Variants in RTTN observed in about 807,000 individuals in gnomAD.
RTTN encodes the protein rotatin.
In RTTN, 182 loss-of-function variants were observed where a neutral mutation model predicts 269.2. The observed-to-expected ratio is 0.68, with a 90% confidence interval of 0.60 to 0.76. The LOEUF (loss-of-function observed/expected upper bound fraction) is 0.76, where lower values mean the gene tolerates loss of function less well. RTTN is among the 30% of genes least tolerant of loss of function. RTTN has a pLI of 0.00. For synonymous variants in RTTN, 1,006 were observed against 963.5 expected (o/e 1.04, Z -0.82); for missense variants, 2,545 against 2,608.6 (o/e 0.98, Z 0.53).
intron 26 of RTTN, among the ~76,000 whole-genome samples, 191 bp from the exon 27 acceptor site, chr18:70,114,790 A>G (rs1018590400): frequency 1.3e-5 from 2 of 152,114 alleles, no homozygotes; most frequent in African/African-American, 4.8e-5. Flanking sequence ...AAAGAAAAAC[A>G]TATTTATCAT....
Position 70,054,296 on chromosome 18 carries a change from G to T in RTTN, c.5032-12C>A. 6.2e-7 allele frequency: 1 copy of T among 1,600,988 alleles called. No individual in the cohort carries two copies. Among genetic ancestry groups the T allele is most frequent in the South Asian group, 1.1e-5 (1 of 88,604 alleles). The stretch of plus-strand genomic sequence containing the variant: ...AGGAGAAAGGAAACCTGTTTGAAAA[G>T]GAGACAGGGTCAAATCAAACATGCC... On this transcript the variant is annotated splice_polypyrimidine_tract_variant and intron_variant, in intron 37 of 48. Transcript: ENST00000640769.
At chr18:70,053,160 T>C (rs763877377) in intron 38 of RTTN, 2 of 152,212 alleles carry the variant, frequency 1.3e-5, no homozygotes, top group Non-Finnish European at 2.9e-5. Flanking sequence ...GTATCTTCCA[T>C]GAACTCAACG....
At chr18:70,116,848 T>C (rs1042235864) in intron 26 of RTTN, among the ~76,000 whole-genome samples, 2 of 152,022 alleles carry the variant, frequency 1.3e-5, no homozygotes, top group African/African-American at 2.4e-5. Context: ...ATATATATGC[T>C]GTGTAGTTCT....
intron 11 of RTTN, among the ~76,000 whole-genome samples, chr18:70,172,061 C>T (rs554828911): frequency 6.6e-6 from 1 of 152,308 alleles, no homozygotes; most frequent in Admixed American, 6.5e-5. Context: ...TGTGCTTCTG[C>T]TTCCAGAACA....
chr18:70,203,778 C>A (rs2062011638), intron 3 of RTTN, among the ~76,000 whole-genome samples: 1 of 152,082 alleles, frequency 6.6e-6, no homozygotes, highest in African/African-American at 2.4e-5. Context: ...GCACTAAGAA[C>A]AATGAGCACT....
In RTTN at chr18:70,020,761, T is replaced by C. The variant is rs763662183; in HGVS notation, c.6007A>G (p.Arg2003Gly). The change falls in exon 45 of 49, where the codon AGA (arginine) becomes GGA (glycine). Residue 2003 changes from arginine to glycine, a missense_variant. Coordinates refer to ENST00000640769, the MANE Select transcript of RTTN (RefSeq NM_173630.4). ...ATCAGAGAGTTGCTCACGGCTCCTCTATGTGTAGCTTGAACAGGGTGTTGT... is the reference window on the plus strand; with the variant it reads ...ATCAGAGAGTTGCTCACGGCTCCTCCATGTGTAGCTTGAACAGGGTGTTGT... Reference protein sequence around the residue: ...CGQHPVQATHRGAVSNSLMLC... With the variant: ...CGQHPVQATHGGAVSNSLMLC... 1 of 1,614,066 alleles carries C rather than the reference T, an allele frequency of 6.2e-7. No homozygotes were observed. Among genetic ancestry groups the C allele is most frequent in the East Asian group, 2.2e-5 (1 of 44,886 alleles).
At chr18:70,202,297 C>T (rs73966849) in intron 3 of RTTN, among the ~76,000 whole-genome samples, 3,457 of 152,234 alleles carry the variant, frequency 0.023, 130 homozygotes, top group African/African-American at 0.078. Flanking sequence ...AATCCATCTC[C>T]CTCTCCCTTG....
chr18:70,131,652 G>A (rs1822185740), intron 23 of RTTN: 1 of 151,322 alleles, frequency 6.6e-6, no homozygotes, highest in Non-Finnish European at 1.5e-5. Context: ...GACTAGCCTG[G>A]GCAACAAAGC....
Position 70,196,602 on chromosome 18 carries a change from C to T in RTTN, c.740G>A (p.Arg247His), listed in dbSNP as rs539725498. 5.4e-6 allele frequency: 8 copies of T among 1,478,764 alleles called. No homozygotes were observed. In the South Asian group the frequency reaches 5.8e-5, roughly 11 times the overall value. The allele number at this position is 1,478,764 out of a possible 1,614,324, so 91.6% of individuals were successfully genotyped here. A position where few individuals can be genotyped will look rare whatever the true frequency, so the allele number is the denominator to read the frequency against. ...LKLAFGDGKH[R>H]LALQSVSCLQ... ...GCAGGACACCGACTGTAATGCCAGG[C>T]GATGCTTTCCATCTCCAAAGGCCAG... Residue 247 changes from arginine (R) to histidine (H), a missense_variant, in exon 7 of 49, where the codon CGC (arginine) becomes CAC (histidine). By Grantham distance (29) the Arg-to-His change is conservative. Coordinates refer to ENST00000640769, the MANE Select transcript of RTTN (RefSeq NM_173630.4).
chr18:70,112,751 A>G (rs1256131012), intron 27 of RTTN, among the ~76,000 whole-genome samples: 3 of 152,198 alleles, frequency 2.0e-5, no homozygotes, highest in Admixed American at 6.5e-5. Flanking sequence ...AATATTAGAC[A>G]GATCAACAAG....
Position 70,017,432 on chromosome 18 carries a change from T to C in RTTN, c.6396A>G (p.Ala2132=). Residue 2132 remains alanine (A), a synonymous_variant, in exon 46 of 49, where the codon GCA becomes GCG. Transcript: ENST00000640769. ...CATTAGCCAGGATCTTGGGTTTATT[T>C]GCAGGACTGAAGCAAACATTATGAA... is the stretch of plus-strand genomic sequence containing the variant. ...LIFHNVCFSP[A]NKPKILANEK... 1.2e-6 allele frequency: 2 copies of C among 1,613,984 alleles called. No individual in the cohort carries two copies. The highest frequency in any genetic ancestry group is 1.7e-6 in the Non-Finnish European group (2 of 1,179,928).
intron 34 of RTTN, among the ~76,000 whole-genome samples, chr18:70,070,137 G>C (rs138738640): frequency 3.9e-5 from 6 of 152,350 alleles, no homozygotes; most frequent in African/African-American, 1.4e-4. Flanking sequence ...GACGATTCTT[G>C]CATGTCTAAC....
chr18:70,060,455 T>G (rs974046888), intron 35 of RTTN, among the ~76,000 whole-genome samples: 3 of 152,178 alleles, frequency 2.0e-5, no homozygotes, highest in African/African-American at 7.2e-5. Flanking sequence ...TTACTATTTT[T>G]ATTATTTTTA....
At position 70,150,766 on chromosome 18, in the gene RTTN, T is replaced by A. The variant is rs757341953; in HGVS notation, c.1930-33A>T. The A allele has an allele frequency of 4.0e-6, 6 of 1,487,154 alleles. No individual in the cohort carries two copies. In the South Asian group the frequency reaches 7.5e-5, roughly 19 times the overall value. The allele number at this position is 1,487,154 out of a possible 1,614,324, so 92.1% of individuals were successfully genotyped here. On this transcript the variant is annotated intron_variant, in intron 14 of 48. Transcript: ENST00000640769. ...ATAATATTAAAAAGTATTTTTAAAT[T>A]AGCAACACTGATTTTTCCAAAAGAT...
At chr18:70,101,980 GA>G (rs1385431611) in intron 28 of RTTN, among the ~76,000 whole-genome samples, 9 of 152,310 alleles carry the variant, frequency 5.9e-5, no homozygotes, top group Admixed American at 2.0e-4. Context: ...ATTTGCTGAG[GA>G]GTGCTTTAAT....
chr18:70,186,486 G>A (rs531597677), intron 10 of RTTN, among the ~76,000 whole-genome samples: 1 of 152,292 alleles, frequency 6.6e-6, no homozygotes, highest in South Asian at 2.1e-4. Context: ...GGGCGCGGTG[G>A]CTCGCACCTG....
intron 14 of RTTN, among the ~76,000 whole-genome samples, chr18:70,155,272 C>T (rs2060644025): frequency 6.6e-6 from 1 of 152,082 alleles, no homozygotes; most frequent in Non-Finnish European, 1.5e-5. Context: ...AATATACAAC[C>T]ACCATCTAGA....
chr18:70,157,409 C>T lies in RTTN; in HGVS notation c.1930-6676G>A, dbSNP rs117776046. Among the ~76,000 whole-genome samples the T allele has an allele frequency of 6.0e-3, 910 of 152,284 alleles. 3 individuals carry two copies. The highest frequency in any genetic ancestry group is 0.01 in the Middle Eastern group (3 of 294). ...AACCAAGCCAATTGACTAATCCCAA[C>T]TTATACCACAGTAAAATCCTCAATG... On this transcript the variant is annotated intron_variant, in intron 14 of 48. Transcript: ENST00000640769.
chr18:70,160,021 C>A (rs1018121413), intron 14 of RTTN, among the ~76,000 whole-genome samples: 1 of 152,076 alleles, frequency 6.6e-6, no homozygotes, highest in East Asian at 1.9e-4. Flanking sequence ...AGAACTGTTA[C>A]CAATCCTACT....
Sources: allele counts gnomAD v4.1 joint callset (sites outside exome capture counted in the v4.1 genomes callset), GRCh38; gene constraint gnomAD v4.1.1; transcripts MANE v1.5; gene names NCBI Gene and HGNC (gene_info 2026-07-23, HGNC 2026-07-21).